The following AUTS2 variants were observed in gnomAD, a reference collection of about 807,000 sequenced individuals.
AUTS2 encodes autism susceptibility gene 2 protein.
A neutral mutation model predicts 112.4 loss-of-function variants in AUTS2; 17 were observed. The observed-to-expected ratio is 0.15, with a 90% confidence interval of 0.10 to 0.23. The LOEUF (loss-of-function observed/expected upper bound fraction) is 0.23, where lower values mean the gene tolerates loss of function less well. Ranked by LOEUF, AUTS2 falls within the 10% of genes least tolerant of loss-of-function variation. The pLI, the probability that AUTS2 is intolerant of heterozygous loss-of-function variation, is 1.00. For synonymous variants in AUTS2, 751 were observed against 702.7 expected (o/e 1.07, Z -1.09); for missense variants, 1,510 against 1,701.6 (o/e 0.89, Z 1.98).
intron 2 of AUTS2, among the ~76,000 whole-genome samples, chr7:70,005,776 T>TGATC (rs1799519870): frequency 6.6e-6 from 1 of 152,312 alleles, no homozygotes; most frequent in South Asian, 2.1e-4. Flanking sequence ...TTCCCAAATG[T>TGATC]GATCTGTGAC....
intron 5 of AUTS2, among the ~76,000 whole-genome samples, chr7:70,663,473 C>T (rs1346563691): frequency 5.9e-5 from 9 of 152,146 alleles, no homozygotes; most frequent in African/African-American, 1.2e-4. Flanking sequence ...TTCAATGGAA[C>T]GGACGTTGAC....
intron 5 of AUTS2, among the ~76,000 whole-genome samples, chr7:70,518,388 A>T (rs1247428113): frequency 6.6e-6 from 1 of 152,054 alleles, no homozygotes; most frequent in South Asian, 2.1e-4. Context: ...CACTAGAAAA[A>T]CGTGTCTTTT....
intron 4 of AUTS2, among the ~76,000 whole-genome samples, chr7:70,138,476 A>T (rs1299592474): frequency 6.6e-6 from 1 of 152,172 alleles, no homozygotes; most frequent in Non-Finnish European, 1.5e-5. Context: ...TTTCCAAGTG[A>T]CATGTTCTGC....
chr7:69,878,256 T>C (rs2129537118), intron 1 of AUTS2, among the ~76,000 whole-genome samples: 1 of 152,250 alleles, frequency 6.6e-6, no homozygotes, highest in Non-Finnish European at 1.5e-5. Flanking sequence ...TGGTTTGTAG[T>C]AGGAGAACCC....
intron 1 of AUTS2, among the ~76,000 whole-genome samples, chr7:69,818,687 A>C (rs1475801819): frequency 6.6e-6 from 1 of 152,236 alleles, no homozygotes; most frequent in East Asian, 1.9e-4. Flanking sequence ...CAGCAGTCTC[A>C]TAAAGCTCTT....
intron 5 of AUTS2, among the ~76,000 whole-genome samples, chr7:70,582,653 G>C (rs543570606): frequency 1.3e-5 from 2 of 152,322 alleles, no homozygotes; most frequent in African/African-American, 4.8e-5. Flanking sequence ...AGAATGCTGA[G>C]TTTTGTTAAT....
At chr7:69,800,707 AG>A (rs1360842091) in intron 1 of AUTS2, among the ~76,000 whole-genome samples, 1 of 152,184 alleles carries the variant, frequency 6.6e-6, no homozygotes, top group Non-Finnish European at 1.5e-5. Flanking sequence ...GAGGCATAGA[AG>A]CTCTTGACAA....
At position 69,921,339 on chromosome 7, in the gene AUTS2, T is replaced by G. The variant is rs563454273; in HGVS notation, c.522+21841T>G. ...ATTTAGACTTGAAGTTTTTTTTTTT[T>G]TTTTTTTTTTTTTAACCGTAATAAC... On this transcript the variant is annotated intron_variant, in intron 2 of 18. Coordinates refer to ENST00000342771, the MANE Select transcript of AUTS2 (RefSeq NM_015570.4). 3.2e-4 allele frequency among the ~76,000 whole-genome samples: 48 copies of G among 149,434 alleles called. No homozygotes were observed. In the East Asian group the frequency reaches 7.9e-3, roughly 25 times the overall value.
intron 5 of AUTS2, among the ~76,000 whole-genome samples, chr7:70,605,100 C>G (rs1179205653): frequency 6.6e-6 from 1 of 152,164 alleles, no homozygotes; most frequent in Non-Finnish European, 1.5e-5. Context: ...TCCTCCTGCT[C>G]TATGAGTCTT....
chr7:70,462,979 GGGA>G (rs1200572844), intron 5 of AUTS2, among the ~76,000 whole-genome samples: 1 of 152,102 alleles, frequency 6.6e-6, no homozygotes, highest in Non-Finnish European at 1.5e-5. Context: ...AAATCTGCTG[GGGA>G]GAACAAAGTC....
At chr7:69,707,804 A>G (rs1798134246) in intron 1 of AUTS2, among the ~76,000 whole-genome samples, 1 of 152,252 alleles carries the variant, frequency 6.6e-6, no homozygotes, top group Non-Finnish European at 1.5e-5. Context: ...ATATGTGCCT[A>G]ATAACACTAA....
At chr7:70,176,323 A>G (rs532031226) in intron 4 of AUTS2, among the ~76,000 whole-genome samples, 1 of 152,366 alleles carries the variant, frequency 6.6e-6, no homozygotes, top group East Asian at 1.9e-4. Context: ...CAATCACTTA[A>G]TAATTACTTC....
chr7:70,455,405 T>G (rs774278083), intron 5 of AUTS2, among the ~76,000 whole-genome samples: 13 of 152,122 alleles, frequency 8.5e-5, no homozygotes, highest in African/African-American at 1.2e-4. Flanking sequence ...CATCTGTGCC[T>G]GGCCCTGGCT....
intron 2 of AUTS2, among the ~76,000 whole-genome samples, chr7:70,070,235 A>G (rs1346266041): frequency 1.3e-5 from 2 of 152,140 alleles, no homozygotes; most frequent in Admixed American, 6.5e-5. Flanking sequence ...CTCTGGGGAT[A>G]TTAGATGTGT....
intron 4 of AUTS2, among the ~76,000 whole-genome samples, chr7:70,181,946 C>A (rs1009198873): frequency 1.3e-5 from 2 of 151,684 alleles, no homozygotes; most frequent in African/African-American, 4.8e-5. Flanking sequence ...TACAGGCACC[C>A]GCCACCACGC....
At chr7:70,765,126 T>C (rs573827140) in intron 8 of AUTS2, 121 bp downstream of exon 8, 1 of 1,342,572 alleles carries the variant, frequency 7.4e-7, no homozygotes, top group Non-Finnish European at 1.0e-6. Context: ...CCTTCCTTAC[T>C]GTGATCTTCC....
At chr7:69,655,919 T>C (rs892448745) in intron 1 of AUTS2, among the ~76,000 whole-genome samples, 5 of 152,158 alleles carry the variant, frequency 3.3e-5, no homozygotes, top group African/African-American at 1.2e-4. Context: ...CCACAAGTTG[T>C]ATGGGGCAGA....
At chr7:70,592,452 C>T (rs974411795) in intron 5 of AUTS2, among the ~76,000 whole-genome samples, 5 of 152,112 alleles carry the variant, frequency 3.3e-5, no homozygotes, top group African/African-American at 1.2e-4. Flanking sequence ...CAACCTCCGC[C>T]TCTGGGTTCA....
chr7:69,757,928 A>T (rs1788007921), intron 1 of AUTS2, among the ~76,000 whole-genome samples: 1 of 152,242 alleles, frequency 6.6e-6, no homozygotes, highest in South Asian at 2.1e-4. Flanking sequence ...GAAACATAAC[A>T]TGCAATTCTC....
Sources: gnomAD v4.1 joint callset for allele counts (sites outside exome capture counted in the v4.1 genomes callset) on GRCh38, gnomAD v4.1.1 for gene constraint, MANE v1.5 for transcripts, NCBI Gene and HGNC (gene_info 2026-07-23, HGNC 2026-07-21) for gene names.